Variants in SPAG8 observed in about 807,000 individuals in gnomAD.
SPAG8 encodes sperm associated antigen 8.
A neutral mutation model predicts 45.3 loss-of-function variants in SPAG8; 36 were observed. The observed-to-expected ratio is 0.80, with a 90% CI of 0.61 to 1.05. The LOEUF is 1.05. Ranked by LOEUF, SPAG8 falls within the 50% of genes least tolerant of loss-of-function variation. The pLI, the probability that SPAG8 is intolerant of heterozygous loss-of-function variation, is 0.00. For missense variants in SPAG8, 573 were observed against 609.2 expected (o/e 0.94, Z 0.63); for synonymous variants, 227 against 232.6 (o/e 0.98, Z 0.22).
chr9:35,808,281 A>C, downstream of SPAG8: 1 of 1,613,440 alleles, frequency 6.2e-7, no homozygotes, highest in Non-Finnish European at 8.5e-7. This position sits in a 1 kb window ranked among gnomAD's most constrained non-coding sequence, Gnocchi z 4.0. Flanking sequence ...TCATTCCGCA[A>C]ATGTTTACTG....
downstream of SPAG8, chr9:35,808,337 C>G (rs3763631): frequency 0.29 from 438,446 of 1,518,044 alleles, 66,506 homozygotes; most frequent in Non-Finnish European, 0.31. The surrounding 1 kb of genome is among the most constrained non-coding windows in gnomAD (Gnocchi z 4.0). Flanking sequence ...TAAAGATTCC[C>G]TAGACATCTC....
downstream of SPAG8, chr9:35,808,629 C>T (rs781398693): frequency 2.7e-5 from 44 of 1,614,036 alleles, no homozygotes; most frequent in Admixed American, 8.3e-5. The surrounding 1 kb of genome is among the most constrained non-coding windows in gnomAD (Gnocchi z 4.0). Flanking sequence ...TTCTTCCTTT[C>T]GCATCCGCCA....
In SPAG8 at chr9:35,809,920, C is replaced by T. The variant is rs781147432; in HGVS notation, c.*18G>A. On this transcript the variant is annotated 3_prime_UTR_variant, in exon 7 of 7. Coordinates refer to ENST00000396638, the MANE Select transcript of SPAG8 (RefSeq NM_001039592.2). The surrounding 1 kb of genome is among the most constrained non-coding windows in gnomAD (Gnocchi z 4.1). The stretch of plus-strand genomic sequence containing the variant: ...GAAATAGATTCCATATTCCATACCC[C>T]ACTTCCCTCCTCACCCCTCAGAAAG... 2.6e-6 allele frequency: 4 copies of T among 1,553,874 alleles called. No individual in the cohort carries two copies. The highest frequency in any genetic ancestry group is 3.5e-6 in the Non-Finnish European group (4 of 1,154,468).
chr9:35,811,501 C>A lies in SPAG8; in HGVS notation c.545G>T (p.Gly182Val). The change falls in exon 2 of 7, where the codon GGC becomes GTC. Residue 182 changes from glycine to valine, a missense_variant. Physicochemically the swap from Gly to Val is moderately radical, Grantham distance 109. Transcript: ENST00000396638. ...GSGPGPGSGP[G>V]SGPGHGSGSH... ...GCCAGAGCCATGACCAGGACCAGAG[C>A]CAGGACCAGAGCCAGGACCAGGACC... The A allele has an allele frequency of 6.5e-7, 1 of 1,529,444 alleles. No individual in the cohort carries two copies. Among genetic ancestry groups the A allele is most frequent in the Non-Finnish European group, 8.7e-7 (1 of 1,148,468 alleles). The allele number at this position is 1,529,444 out of a possible 1,614,324, so 94.7% of individuals were successfully genotyped here.
downstream of SPAG8, chr9:35,809,739 G>T: frequency 7.2e-7 from 1 of 1,395,640 alleles, no homozygotes; most frequent in Non-Finnish European, 1.0e-6. This position sits in a 1 kb window ranked among gnomAD's most constrained non-coding sequence, Gnocchi z 4.1. Flanking sequence ...TCATAGTGTG[G>T]GATAGGGGCA....
Position 35,811,050 on chromosome 9 carries a change from G to T in SPAG8, c.872C>A (p.Thr291Asn). Reference protein sequence around the residue: ...LLYNWEEERATNHLDQVPSMQ... With the variant: ...LLYNWEEERANNHLDQVPSMQ... ...GCTTGGGACTTGATCCAGGTGGTTG[G>T]TGGCTCTCTGTGGATCCCAAGTTGA... Residue 291 changes from threonine to asparagine, a missense_variant, in exon 3 of 7, where the codon ACC becomes AAC. Coordinates refer to ENST00000396638, the MANE Select transcript of SPAG8 (RefSeq NM_001039592.2). 6.2e-7 allele frequency: 1 copy of T among 1,612,804 alleles called. No homozygotes were observed. Among genetic ancestry groups the T allele is most frequent in the Non-Finnish European group, 8.5e-7 (1 of 1,179,296 alleles).
chr9:35,810,144 C>T lies in SPAG8; in HGVS notation c.1264-12G>A. On this transcript the variant is annotated splice_polypyrimidine_tract_variant and intron_variant, in intron 6 of 6. Coordinates refer to ENST00000396638, the MANE Select transcript of SPAG8 (RefSeq NM_001039592.2). ...ATGTTACTGACACCCTGGAGGAGTG[C>T]CAGGATGAGGATGGATCCCACTCTC... 1 of 1,608,496 alleles carries T rather than the reference C, an allele frequency of 6.2e-7. No individual in the cohort carries two copies. The highest frequency in any genetic ancestry group is 1.1e-5 in the South Asian group (1 of 90,752).
chr9:35,808,484 A>T (rs753754235), downstream of SPAG8: 1 of 1,611,370 alleles, frequency 6.2e-7, no homozygotes, highest in South Asian at 1.1e-5. The surrounding 1 kb of genome is among the most constrained non-coding windows in gnomAD (Gnocchi z 4.0). Context: ...AATAGAGGTG[A>T]CCTTTTAATC....
At chr9:35,809,138 C>G, downstream of SPAG8, 2 of 1,605,080 alleles carry the variant, frequency 1.2e-6, no homozygotes, top group Non-Finnish European at 1.7e-6. This position sits in a 1 kb window ranked among gnomAD's most constrained non-coding sequence, Gnocchi z 4.1. Flanking sequence ...ACCATCCTCC[C>G]CATTCCACCC....
At position 35,811,468 on chromosome 9, in the gene SPAG8, G is replaced by C; in HGVS notation, c.578C>G (p.Pro193Arg). ...SGPGHGSGSH[P>R]GPASGPGPDT... ...TGGACCAGGCCCAGAGGCAGGACCAGGATGAGAGCCAGAGCCATGACCAGG... is the reference window on the plus strand; with the variant it reads ...TGGACCAGGCCCAGAGGCAGGACCACGATGAGAGCCAGAGCCATGACCAGG... Residue 193 changes from proline to arginine, a missense_variant, in exon 2 of 7, where the codon CCT becomes CGT. Pro to Arg is a moderately radical substitution (Grantham distance 103, BLOSUM62 -2). Transcript: ENST00000396638. 6.2e-7 allele frequency: 1 copy of C among 1,613,684 alleles called. No individual in the cohort carries two copies. Among genetic ancestry groups the C allele is most frequent in the Admixed American group, 1.7e-5 (1 of 59,990 alleles).
chr9:35,809,401 T>TA, downstream of SPAG8: 1 of 1,614,188 alleles, frequency 6.2e-7, no homozygotes, highest in East Asian at 2.2e-5. The surrounding 1 kb of genome is among the most constrained non-coding windows in gnomAD (Gnocchi z 4.1). Context: ...GATGCGAACA[T>TA]ACTGGCTCTT....
At position 35,811,701 on chromosome 9, in the gene SPAG8, G is replaced by A. The variant is rs761021545; in HGVS notation, c.345C>T (p.Pro115=). 1.9e-6 allele frequency: 3 copies of A among 1,614,126 alleles called. No homozygotes were observed. Among genetic ancestry groups the A allele is most frequent in the Non-Finnish European group, 2.5e-6 (3 of 1,180,058 alleles). ...NIAHGSLGFE[P]VYVSCIAQDT... is the part of the protein sequence containing the mutation. The stretch of plus-strand genomic sequence containing the variant: ...CCTGAGCAATACAGGAAACATAGAC[G>A]GGCTCAAAGCCAAGACTCCCATGGG... The change falls in exon 2 of 7, where the codon CCC becomes CCT. Residue 115 remains proline, a synonymous_variant. Transcript: ENST00000396638.
At position 35,811,279 on chromosome 9, in the gene SPAG8, C is replaced by T. The variant is rs758825576; in HGVS notation, c.767G>A (p.Arg256Gln). The T allele has an allele frequency of 9.3e-6, 15 of 1,613,762 alleles. No homozygotes were observed. Among genetic ancestry groups the T allele is most frequent in the East Asian group, 2.2e-5 (1 of 44,890 alleles). The change falls in exon 2 of 7, where the codon CGA (arginine) becomes CAA (glutamine). Residue 256 changes from arginine (R) to glutamine (Q), a missense_variant. Physicochemically the swap from Arg to Gln is conservative, Grantham distance 43 (BLOSUM62 1). Coordinates refer to ENST00000396638, the MANE Select transcript of SPAG8 (RefSeq NM_001039592.2). ...AATGTCTGGGGGTTTCCATAGTCCT[C>T]GGGCACCCGGTTCTAAGACTTGCAA... ...EFLQVLEPGARGLWKPPDIKG... is the reference protein window; with the variant it reads ...EFLQVLEPGAQGLWKPPDIKG...
At position 35,811,758 on chromosome 9, in the gene SPAG8, G is replaced by A; in HGVS notation, c.288C>T (p.Pro96=). The change falls in exon 2 of 7, where the codon CCC becomes CCT. Residue 96 remains proline, a synonymous_variant. Coordinates refer to ENST00000396638, the MANE Select transcript of SPAG8 (RefSeq NM_001039592.2). ...TGTGGGTAAAGCCGGGTCCCGCACA[G>A]GGCTCCCCAAGAAGGCTGGGGTCAG... ...PSSDPSLLGE[P]CAGPGFTHNI... 1.9e-6 allele frequency: 3 copies of A among 1,614,240 alleles called. No individual in the cohort carries two copies. Among genetic ancestry groups the A allele is most frequent in the Non-Finnish European group, 2.5e-6 (3 of 1,180,032 alleles).
chr9:35,809,600 A>C (rs1828653715), downstream of SPAG8: 4 of 1,279,944 alleles, frequency 3.1e-6, no homozygotes, highest in South Asian at 3.6e-5. The surrounding 1 kb of genome is among the most constrained non-coding windows in gnomAD (Gnocchi z 4.1). Context: ...AGCCCTCTGC[A>C]GCTCAGCCCT....
rs751708069 is a variant in SPAG8, at chr9:35,810,163, C to T, written c.1264-31G>A. Reference sequence around the variant, plus strand: ...GGAGTGCCAGGATGAGGATGGATCCCACTCTCCCCAAGCCAGAACAAAACA... The same window carrying T: ...GGAGTGCCAGGATGAGGATGGATCCTACTCTCCCCAAGCCAGAACAAAACA... On this transcript the variant is annotated intron_variant, in intron 6 of 6. Transcript: ENST00000396638. 5.6e-6 allele frequency: 9 copies of T among 1,607,904 alleles called. No individual in the cohort carries two copies. The East Asian group carries it at 1.6e-4, about 28-fold the overall frequency.
Position 35,812,211 on chromosome 9 carries a change from GTACA to G in SPAG8, c.-68_-65del. On this transcript the variant is annotated 5_prime_UTR_variant, in exon 1 of 7. Transcript: ENST00000396638. The stretch of plus-strand genomic sequence containing the variant: ...AACAACTCCTGGAGCCTGCGCAGAA[GTACA>G]GCTGGGCGGACTTGCAGGTGGCGGT... 6.3e-7 allele frequency: 1 copy of G among 1,574,996 alleles called. No individual in the cohort carries two copies. The highest frequency in any genetic ancestry group is 8.6e-7 in the Non-Finnish European group (1 of 1,162,664).
chr9:35,809,105 C>A, downstream of SPAG8: 1 of 1,505,634 alleles, frequency 6.6e-7, no homozygotes, highest in South Asian at 1.1e-5. The surrounding 1 kb of genome is among the most constrained non-coding windows in gnomAD (Gnocchi z 4.1). Flanking sequence ...TATTTGATTG[C>A]CTTTTCTTTG....
chr9:35,811,190 C>G lies in SPAG8; in HGVS notation c.856G>C (p.Glu286Gln), dbSNP rs769354128. The change falls in exon 2 of 7, where the codon GAG becomes CAG. Residue 286 changes from glutamate to glutamine, a missense_variant. Glu to Gln is a conservative substitution (Grantham distance 29, BLOSUM62 2). Transcript: ENST00000396638. Reference sequence around the variant, plus strand: ...GGCCAAAACTTTAATACCTCTTCCTCCCAGTTGTAGAGGAGGCACTGGCCC... The same window carrying G: ...GGCCAAAACTTTAATACCTCTTCCTGCCAGTTGTAGAGGAGGCACTGGCCC... ...PRGQCLLYNW[E>Q]EERATNHLDQ... 6.4e-7 allele frequency: 1 copy of G among 1,565,260 alleles called. No homozygotes were observed. Among genetic ancestry groups the G allele is most frequent in the East Asian group, 2.2e-5 (1 of 44,450 alleles).
Sources: allele counts gnomAD v4.1 joint callset, GRCh38; gene constraint gnomAD v4.1.1; non-coding constraint Gnocchi (gnomAD v3.1); transcripts MANE v1.5; gene names NCBI Gene and HGNC (gene_info 2026-07-23, HGNC 2026-07-21).